Variants in RCSD1 observed in about 807,000 individuals in gnomAD.
RCSD1 encodes the protein capZ-interacting protein.
In RCSD1, 26 loss-of-function variants were observed where a neutral mutation model predicts 42.5. That is an observed-to-expected ratio of 0.61 (90% CI 0.45 to 0.85). RCSD1 has a LOEUF of 0.85. RCSD1 is among the 40% of genes least tolerant of loss of function. The pLI is 0.00. For missense variants in RCSD1, 571 were observed against 528.3 expected (o/e 1.08, Z -0.79); for synonymous variants, 220 against 212.2 (o/e 1.04, Z -0.32).
At chr1:167,688,787 G>A (rs1216059722) in intron 3 of RCSD1, among the ~76,000 whole-genome samples, 2 of 152,110 alleles carry the variant, frequency 1.3e-5, no homozygotes, top group African/African-American at 4.8e-5. Flanking sequence ...TTATTGTTCA[G>A]GAAAATTAGT....
intron 1 of RCSD1, among the ~76,000 whole-genome samples, chr1:167,679,160 T>C (rs767742058): frequency 1.4e-4 from 21 of 152,202 alleles, no homozygotes; most frequent in Non-Finnish European, 2.9e-4. Flanking sequence ...TAGTACAGCA[T>C]GTTGGTGTGG....
chr1:167,647,264 T>C (rs1658181078), intron 1 of RCSD1, among the ~76,000 whole-genome samples: 1 of 152,102 alleles, frequency 6.6e-6, no homozygotes, highest in East Asian at 1.9e-4. Flanking sequence ...AGCCATGCAT[T>C]GGGAAGGCCT....
At chr1:167,651,217 G>A (rs575891042) in intron 1 of RCSD1, among the ~76,000 whole-genome samples, 2 of 152,328 alleles carry the variant, frequency 1.3e-5, no homozygotes, top group East Asian at 3.9e-4. Flanking sequence ...AATTTCAGGA[G>A]ACAGTTCAGC....
intron 4 of RCSD1, among the ~76,000 whole-genome samples, chr1:167,691,373 C>T (rs955286420): frequency 3.3e-5 from 5 of 152,188 alleles, no homozygotes; most frequent in African/African-American, 1.2e-4. Flanking sequence ...ATGTCCTGAG[C>T]CCGTCCTTAA....
At chr1:167,633,347 T>A (rs1571663134) in intron 1 of RCSD1, among the ~76,000 whole-genome samples, 2 of 152,232 alleles carry the variant, frequency 1.3e-5, no homozygotes, top group South Asian at 4.1e-4. Flanking sequence ...TCAGACTAGA[T>A]TAGGTTCAGA....
chr1:167,690,802 G>A (rs373880807), intron 4 of RCSD1, among the ~76,000 whole-genome samples: 15 of 152,232 alleles, frequency 9.9e-5, no homozygotes, highest in African/African-American at 3.4e-4. Flanking sequence ...CCCTGCATAG[G>A]GCTGGTGTTC....
At chr1:167,648,024 T>A (rs1009500598) in intron 1 of RCSD1, among the ~76,000 whole-genome samples, 1 of 152,014 alleles carries the variant, frequency 6.6e-6, no homozygotes, top group Non-Finnish European at 1.5e-5. Context: ...CTACTTCGAA[T>A]TTTCCACATC....
chr1:167,645,498 C>T (rs1658112603), intron 1 of RCSD1, among the ~76,000 whole-genome samples: 2 of 152,114 alleles, frequency 1.3e-5, no homozygotes, highest in South Asian at 2.1e-4. Flanking sequence ...AACAAGACCA[C>T]GAGGCTGGGG....
intron 1 of RCSD1, among the ~76,000 whole-genome samples, chr1:167,642,791 T>A (rs966343737): frequency 2.6e-5 from 4 of 152,240 alleles, no homozygotes; most frequent in Non-Finnish European, 5.9e-5. Flanking sequence ...ACACTTAGAA[T>A]CACCATTCTT....
chr1:167,631,630 G>T (rs1366858953), intron 1 of RCSD1, among the ~76,000 whole-genome samples: 1 of 152,208 alleles, frequency 6.6e-6, no homozygotes, highest in African/African-American at 2.4e-5. Context: ...GACTACCAGT[G>T]TGTACCACCA....
At chr1:167,643,684 G>C (rs1658061454) in intron 1 of RCSD1, among the ~76,000 whole-genome samples, 1 of 152,214 alleles carries the variant, frequency 6.6e-6, no homozygotes, top group Non-Finnish European at 1.5e-5. Context: ...TTACTAGCTT[G>C]TGACCTCTCC....
At chr1:167,659,041 C>T (rs1658487386) in intron 1 of RCSD1, among the ~76,000 whole-genome samples, 1 of 152,150 alleles carries the variant, frequency 6.6e-6, no homozygotes, top group African/African-American at 2.4e-5. Context: ...CTCCATTTCC[C>T]CAACCGCAAT....
intron 1 of RCSD1, chr1:167,630,751 A>G (rs1657677536): frequency 3.9e-6 from 1 of 253,568 alleles, no homozygotes; most frequent in East Asian, 6.6e-5. Context: ...AAAAAAAAAA[A>G]AAGTTAGGTG....
intron 1 of RCSD1, among the ~76,000 whole-genome samples, chr1:167,644,245 C>A (rs958812776): frequency 6.6e-5 from 10 of 152,156 alleles, no homozygotes; most frequent in Non-Finnish European, 2.9e-5. Flanking sequence ...TTTGGGAGGC[C>A]GAGGCAGGCC....
intron 1 of RCSD1, among the ~76,000 whole-genome samples, chr1:167,670,271 T>C (rs530511088): frequency 6.6e-6 from 1 of 152,074 alleles, no homozygotes; most frequent in African/African-American, 2.4e-5. Flanking sequence ...GTACATTTAC[T>C]TGTTGGCTTA....
At chr1:167,698,470 A>T (rs1056587256) in intron 6 of RCSD1, among the ~76,000 whole-genome samples, 1 of 152,170 alleles carries the variant, frequency 6.6e-6, no homozygotes, top group Non-Finnish European at 1.5e-5. Flanking sequence ...ACTCTCTCTC[A>T]GGGATTGGGC....
intron 1 of RCSD1, among the ~76,000 whole-genome samples, chr1:167,652,188 A>G (rs985166831): frequency 6.6e-6 from 1 of 151,826 alleles, no homozygotes; most frequent in African/African-American, 2.4e-5. Flanking sequence ...TGCCCGGCTA[A>G]TTTTTGTATT....
intron 1 of RCSD1, among the ~76,000 whole-genome samples, chr1:167,668,530 C>A (rs117089230): frequency 0.012 from 1,762 of 152,176 alleles, 19 homozygotes; most frequent in East Asian, 0.042. Flanking sequence ...CTCCTAAAAC[C>A]CTTTTCCTCT....
At chr1:167,665,194 T>G (rs966859071) in intron 1 of RCSD1, among the ~76,000 whole-genome samples, 3 of 152,222 alleles carry the variant, frequency 2.0e-5, no homozygotes, top group Non-Finnish European at 4.4e-5. Flanking sequence ...TTTTAAAGAA[T>G]GTTATGTAAA....
Sources: gnomAD v4.1 joint callset for allele counts (sites outside exome capture counted in the v4.1 genomes callset) on GRCh38, gnomAD v4.1.1 for gene constraint, MANE v1.5 for transcripts, NCBI Gene and HGNC (gene_info 2026-07-23, HGNC 2026-07-21) for gene names.